The following ZNF479 variants were observed in gnomAD, a reference collection of about 807,000 sequenced individuals.
ZNF479 encodes KRAB zinc finger protein KR19.
A neutral mutation model predicts 14.7 loss-of-function variants in ZNF479; 15 were observed. The ratio of observed to expected loss-of-function variants is 1.02; its 90% CI spans 0.68 to 1.57. The LOEUF is 1.57. ZNF479 is among the 40% of genes most tolerant of loss of function. The pLI is 0.00. For missense variants in ZNF479, 506 were observed against 615.1 expected, an observed-to-expected ratio of 0.82 and a Z score of 1.88; for synonymous variants, 145 against 211.5, an observed-to-expected ratio of 0.69 and a Z score of 2.73.
In ZNF479 at chr7:57,120,270, G is replaced by C. The variant is rs539820985; in HGVS notation, c.1145C>G (p.Thr382Arg). The C allele has an allele frequency of 2.3e-5, 37 of 1,611,190 alleles. No homozygotes were observed. In the East Asian group the frequency reaches 8.3e-4, roughly 36 times the overall value. The stretch of plus-strand genomic sequence containing the variant: ...AAAGTCTTGGCCACATTCTTCACAT[G>C]TGTAGGGTTTCTCTCCAGTATGAAT... ...RRIHTGEKPY[T>R]CEECGQDFRR... is the part of the protein sequence containing the mutation. The change falls in exon 4 of 4, where the codon ACA becomes AGA. Residue 382 changes from threonine (T) to arginine (R), a missense_variant. Around this residue, in one of 3 missense-constraint regions of ZNF479, gnomAD observed 420 missense variants for 474.2 expected, o/e 0.89. Coordinates refer to ENST00000319636, the MANE Select transcript of ZNF479 (RefSeq NM_001370129.2).
rs2115857010 is a variant in ZNF479 at position 57,121,031 on chromosome 7, G to T, written c.384C>A (p.Cys128Ter). The T allele has an allele frequency of 6.2e-7, 1 of 1,613,898 alleles. No individual in the cohort carries two copies. Among genetic ancestry groups the T allele is most frequent in the Middle Eastern group, 1.6e-4 (1 of 6,062 alleles). ...CGHEKLQFKK[C>*]CKSVGEYEVH... is the part of the protein sequence containing the mutation. ...CCTCATATTCACCCACACTTTTACAGCATTTTTTAAATTGTAATTTCTCAT... is the reference window on the plus strand; with the variant it reads ...CCTCATATTCACCCACACTTTTACATCATTTTTTAAATTGTAATTTCTCAT... Residue 128 changes from cysteine (C) to a stop codon, truncating the protein, a stop_gained, in exon 4 of 4, where the codon TGC becomes TGA. Coordinates refer to ENST00000319636, the MANE Select transcript of ZNF479 (RefSeq NM_001370129.2). LOFTEE classifies it low-confidence loss of function (END_TRUNC).
chr7:57,129,396 C>T (rs1786321853), intron 1 of ZNF479, among the ~76,000 whole-genome samples: 2 of 152,176 alleles, frequency 1.3e-5, no homozygotes, highest in African/African-American at 4.8e-5. Flanking sequence ...TGTGCTTTCG[C>T]AGACACATTA....
Position 57,120,119 on chromosome 7 carries a change from A to T in ZNF479, c.1296T>A (p.Thr432=). The part of the protein sequence containing the change: ...STLTDHKRIH[T]GERPYKCEEC... ...CTTCACATTTGTAGGGTCTCTCTCC[A>T]GTATGAATTCTCTTGTGGTCAGTGA... Residue 432 remains threonine, a synonymous_variant, in exon 4 of 4, where the codon ACT becomes ACA. Coordinates refer to ENST00000319636, the MANE Select transcript of ZNF479 (RefSeq NM_001370129.2). 6.2e-7 allele frequency: 1 copy of T among 1,613,470 alleles called. No individual in the cohort carries two copies. The highest frequency in any genetic ancestry group is 8.5e-7 in the Non-Finnish European group (1 of 1,179,790).
rs1554400316 is a variant in ZNF479 at position 57,120,744 on chromosome 7, C to T, written c.671G>A (p.Cys224Tyr). 6.2e-7 allele frequency: 1 copy of T among 1,612,328 alleles called. No individual in the cohort carries two copies. The highest frequency in any genetic ancestry group is 1.1e-5 in the South Asian group (1 of 90,940). Residue 224 changes from cysteine (C) to tyrosine (Y), a missense_variant, in exon 4 of 4, where the codon TGC becomes TAC. This residue lies in a region of ZNF479 where 420 missense variants were observed against 474.2 expected (regional missense o/e 0.89). Coordinates refer to ENST00000319636, the MANE Select transcript of ZNF479 (RefSeq NM_001370129.2). The part of the protein sequence containing the change: ...KCKECGKSFN[C>Y]SSNHTTHKII... ...TTTATGTGTAGTATGGTTTGAGGAG[C>T]AGTTAAAGGATTTGCCACATTCTTT...
intron 3 of ZNF479, 147 bp from the exon 4 acceptor site, chr7:57,121,299 A>G (rs1785936344): frequency 1.5e-6 from 1 of 665,836 alleles, no homozygotes; most frequent in African/African-American, 1.8e-5. Flanking sequence ...TAGATGTATA[A>G]ATGTAACAAA....
At chr7:57,130,215 C>T (rs188717240) in intron 1 of ZNF479, among the ~76,000 whole-genome samples, 56 of 152,286 alleles carry the variant, frequency 3.7e-4, no homozygotes, top group Non-Finnish European at 6.0e-4. Context: ...TGGCTTGCTC[C>T]TGTAATCCCA....
Position 57,119,908 on chromosome 7 carries a change from T to G in ZNF479, c.1507A>C (p.Lys503Gln), listed in dbSNP as rs782298753. The G allele has an allele frequency of 6.2e-7, 1 of 1,613,674 alleles. No homozygotes were observed. ...TGTTTAGCAAGACTTGAATGCCACT[T>G]AAAAGCTTGCTCACATTCTTCACAT... is the stretch of plus-strand genomic sequence containing the variant. Reference protein sequence around the residue: ...YKCEECEQAFKWHSSLAKHKI... With the variant: ...YKCEECEQAFQWHSSLAKHKI... The change falls in exon 4 of 4, where the codon AAG (lysine) becomes CAG (glutamine). Residue 503 changes from lysine (K) to glutamine (Q), a missense_variant. This residue lies in a region of ZNF479 where 72 missense variants were observed against 97.6 expected (regional missense o/e 0.74). Coordinates refer to ENST00000319636, the MANE Select transcript of ZNF479 (RefSeq NM_001370129.2).
intron 3 of ZNF479, among the ~76,000 whole-genome samples, chr7:57,123,438 CT>C (rs1214684892): frequency 6.6e-6 from 1 of 152,174 alleles, no homozygotes; most frequent in Non-Finnish European, 1.5e-5. Flanking sequence ...ACCAAATAGG[CT>C]AAACAGACAT....
intron 1 of ZNF479, among the ~76,000 whole-genome samples, chr7:57,137,886 C>A (rs1373660477): frequency 1.3e-5 from 2 of 152,130 alleles, no homozygotes; most frequent in Non-Finnish European, 2.9e-5. Flanking sequence ...TCTTTAGGAC[C>A]ATCACCTATG....
chr7:57,131,253 C>G (rs57849062), intron 1 of ZNF479, among the ~76,000 whole-genome samples: 41,855 of 151,486 alleles, frequency 0.28, 6,920 homozygotes, highest in East Asian at 0.53. Flanking sequence ...TACCCCTGAA[C>G]CTAAAATAAA....
upstream of ZNF479, among the ~76,000 whole-genome samples, chr7:57,136,109 C>T (rs1163190590): frequency 6.6e-6 from 1 of 151,706 alleles, no homozygotes; most frequent in Non-Finnish European, 1.5e-5. Flanking sequence ...ACAGGCCAGG[C>T]ATGGTGACTC....
upstream of ZNF479, among the ~76,000 whole-genome samples, chr7:57,136,288 C>A (rs952136870): frequency 1.3e-5 from 2 of 151,888 alleles, no homozygotes; most frequent in Non-Finnish European, 2.9e-5. Flanking sequence ...GAGGCTGAGG[C>A]AGGGAGAATT....
chr7:57,132,308 C>A lies in ZNF479; in HGVS notation c.17G>T (p.Gly6Val). The A allele has an allele frequency of 6.2e-7, 1 of 1,614,132 alleles. No homozygotes were observed. Among genetic ancestry groups the A allele is most frequent in the East Asian group, 2.2e-5 (1 of 44,876 alleles). The stretch of plus-strand genomic sequence containing the variant: ...CACCATTTCTCGGCTTCCAGGGGGT[C>A]CTGGTCTTTTAGCCATAAATCTGCA... MAKRPGPPGSREMGLL... is the reference protein window; with the variant it reads MAKRPVPPGSREMGLL... The change falls in exon 1 of 4, where the codon GGA becomes GTA. Residue 6 changes from glycine to valine, a missense_variant. By Grantham distance (109) the Gly-to-Val change is moderately radical (BLOSUM62 -3). This residue lies in a region of ZNF479 where 420 missense variants were observed against 474.2 expected (regional missense o/e 0.89). Transcript: ENST00000319636.
At chr7:57,135,630 C>G (rs1786612981), upstream of ZNF479, among the ~76,000 whole-genome samples, 2 of 152,060 alleles carry the variant, frequency 1.3e-5, no homozygotes, top group African/African-American at 4.8e-5. Context: ...CCAGGCTGGT[C>G]TTGAACTCCT....
rs1554400382 is a variant in ZNF479, at chr7:57,120,809, T to G, written c.606A>C (p.Gln202His). The part of the protein sequence containing the change: ...KSFCMLSHLN[Q>H]HQVIHTREKS... Reference sequence around the variant, plus strand: ...TCTCCCTAGTATGAATTACCTGATGTTGATTTAGGTGTGAAAGCATGCAAA... The same window carrying G: ...TCTCCCTAGTATGAATTACCTGATGGTGATTTAGGTGTGAAAGCATGCAAA... The change falls in exon 4 of 4, where the codon CAA (glutamine) becomes CAC (histidine). Residue 202 changes from glutamine to histidine, a missense_variant. Gln to His is a conservative substitution (Grantham distance 24, BLOSUM62 0). This residue lies in a region of ZNF479 where 420 missense variants were observed against 474.2 expected (regional missense o/e 0.89). Transcript: ENST00000319636. 4 of 1,612,668 alleles carry G rather than the reference T, an allele frequency of 2.5e-6. No individual in the cohort carries two copies. The African/African-American group carries it at 5.3e-5, about 22-fold the overall frequency.
upstream of ZNF479, among the ~76,000 whole-genome samples, chr7:57,136,199 C>G (rs1174792835): frequency 6.6e-6 from 1 of 152,034 alleles, no homozygotes; most frequent in Non-Finnish European, 1.5e-5. Context: ...GCCCGGCCAA[C>G]ATGGCGAAAC....
rs1554400018 is a variant in ZNF479, at chr7:57,120,353, G to C, written c.1062C>G (p.Ala354=). ...KRIHTREKPY[A]CEECGQAFSL... is the part of the protein sequence containing the mutation. ...TAAAGGCTTGGCCACATTCTTCACA[G>C]GCATAGGGTTTCTCTCTAGTATGAA... Residue 354 remains alanine, a synonymous_variant, in exon 4 of 4, where the codon GCC becomes GCG. Coordinates refer to ENST00000319636, the MANE Select transcript of ZNF479 (RefSeq NM_001370129.2). 1.2e-6 allele frequency: 2 copies of C among 1,609,548 alleles called. No individual in the cohort carries two copies. The highest frequency in any genetic ancestry group is 1.4e-5 in the African/African-American group (1 of 73,554).
chr7:57,121,841 T>TA (rs1369302462), intron 3 of ZNF479, among the ~76,000 whole-genome samples: 1 of 152,036 alleles, frequency 6.6e-6, no homozygotes, highest in African/African-American at 2.4e-5. Flanking sequence ...AAAGCAACTA[T>TA]AAAAACAAAG....
intron 1 of ZNF479, among the ~76,000 whole-genome samples, chr7:57,139,374 G>C (rs935727633): frequency 3.9e-5 from 6 of 152,030 alleles, no homozygotes; most frequent in Non-Finnish European, 7.4e-5. Context: ...TGTAAGTGGG[G>C]TTCAGGCTCT....
Sources: gnomAD v4.1 joint callset for allele counts (sites outside exome capture counted in the v4.1 genomes callset) on GRCh38, gnomAD v4.1.1 for gene constraint, gnomAD v4.1.1 regional missense constraint, MANE v1.5 for transcripts, NCBI Gene and HGNC (gene_info 2026-07-23, HGNC 2026-07-21) for gene names.